Variants in CA5B observed in about 807,000 individuals in gnomAD.
CA5B encodes carbonic anhydrase 5B, mitochondrial.
Under a neutral mutation model 23.1 loss-of-function variants are expected in CA5B, and 15 were observed. The ratio of observed to expected loss-of-function variants is 0.65; its 90% CI spans 0.43 to 1.00. CA5B has a LOEUF of 1.00. Among genes scored for constraint, CA5B ranks in the 50% least tolerant of loss-of-function variants. The probability of loss-of-function intolerance (pLI) is 0.00; values close to 1 mark genes in which losing one functional copy is unlikely to be tolerated. For missense variants in CA5B, 236 were observed against 252.2 expected, an observed-to-expected ratio of 0.94 and a Z score of 0.43; for synonymous variants, 84 against 98.5, an observed-to-expected ratio of 0.85 and a Z score of 0.87.
intron 2 of CA5B, among the ~76,000 whole-genome samples, chrX:15,752,499 G>T (rs1441902977): frequency 1.8e-5 from 2 of 110,546 alleles, no homozygotes; most frequent in East Asian, 5.7e-4. Context: ...GCCGAGGCGG[G>T]CGGATCACAA....
In CA5B at chrX:15,784,896, A is replaced by G. The variant is rs1366365223; in HGVS notation, c.*2232A>G. The G allele has an allele frequency of 8.9e-6, 1 of 112,640 alleles. No individual in the cohort carries two copies. Among genetic ancestry groups the G allele is most frequent in the East Asian group, 2.8e-4 (1 of 3,635 alleles). The allele number at this position is 112,640 out of a possible 1,213,427, so 9.3% of individuals were successfully genotyped here. A position where few individuals can be genotyped will look rare whatever the true frequency, so the allele number is the denominator to read the frequency against. The stretch of plus-strand genomic sequence containing the variant: ...AAAAATGGGCAAAGGACTTGCACAG[A>G]CATTTCTCCAAAGAAGTTATACAAT... On this transcript the variant is annotated 3_prime_UTR_variant, in exon 8 of 8. Transcript: ENST00000318636.
intron 2 of CA5B, among the ~76,000 whole-genome samples, chrX:15,758,066 G>A (rs1035585846): frequency 9.0e-6 from 1 of 111,581 alleles, no homozygotes; most frequent in Non-Finnish European, 1.9e-5. Context: ...GAACTAGGCC[G>A]CTGTTCTGGG....
intron 1 of CA5B, among the ~76,000 whole-genome samples, chrX:15,741,099 G>A (rs1179973092): frequency 5.5e-5 from 6 of 108,216 alleles, no homozygotes; most frequent in East Asian, 3.0e-4. Flanking sequence ...ACGGAGTCTC[G>A]CCCTGTCACC....
At chrX:15,761,595 A>G (rs1931604282) in intron 2 of CA5B, among the ~76,000 whole-genome samples, 1 of 112,738 alleles carries the variant, frequency 8.9e-6, no homozygotes, top group Non-Finnish European at 1.9e-5. Flanking sequence ...AGATGACAGT[A>G]CTGCATTATA....
At chrX:15,775,885 C>T (rs142905978) in intron 6 of CA5B, 1 of 748,271 alleles carries the variant, frequency 1.3e-6, no homozygotes, top group East Asian at 1.5e-4. Context: ...ATATTATCTC[C>T]CCCCATCCCC....
Position 15,775,286 on chromosome X carries a change from C to T in CA5B, c.596C>T (p.Thr199Ile). Reference protein sequence around the residue: ...HHKELQKLVDTLPSIKHKDAL... With the variant: ...HHKELQKLVDILPSIKHKDAL... The stretch of plus-strand genomic sequence containing the variant: ...AAGGAGCTACAGAAATTAGTGGATA[C>T]TTTGCCGTCAATTAAGCATAAGGTA... Residue 199 changes from threonine (T) to isoleucine (I), a missense_variant, in exon 6 of 8, where the codon ACT becomes ATT. Thr to Ile is a moderately conservative substitution (Grantham distance 89). Coordinates refer to ENST00000318636, the MANE Select transcript of CA5B (RefSeq NM_007220.4). 8.3e-7 allele frequency: 1 copy of T among 1,200,453 alleles called. No homozygotes were observed. The highest frequency in any genetic ancestry group is 1.1e-6 in the Non-Finnish European group (1 of 888,117).
rs950226280 is a variant in CA5B at position 15,782,613 on chromosome X, G to C, written c.903G>C (p.Val301=). The C allele has an allele frequency of 4.1e-6, 5 of 1,206,666 alleles. No individual in the cohort carries two copies. The highest frequency in any genetic ancestry group is 5.6e-6 in the Non-Finnish European group (5 of 893,056). The change falls in exon 8 of 8, where the codon GTG becomes GTC. Residue 301 remains valine (V), a synonymous_variant. Transcript: ENST00000318636. The part of the protein sequence containing the change: ...TVRSSFRHDY[V]LNVQAKPKPA... ...GTTCATCCTTCCGGCATGATTATGT[G>C]CTGAATGTACAAGCGAAACCCAAGC... is the stretch of plus-strand genomic sequence containing the variant.
chrX:15,750,278 A>G, intron 2 of CA5B, 113 bp downstream of exon 2: 3 of 580,379 alleles, frequency 5.2e-6, no homozygotes, highest in Non-Finnish European at 8.2e-6. Flanking sequence ...AGTGTGCAAG[A>G]GCAAAAATAC....
intron 2 of CA5B, among the ~76,000 whole-genome samples, chrX:15,751,975 G>A (rs751645938): frequency 4.2e-4 from 47 of 111,341 alleles, no homozygotes; most frequent in Admixed American, 3.9e-3. Flanking sequence ...AAAAGATAAC[G>A]TGTTAATGAA....
intron 6 of CA5B, 133 bp from the exon 7 acceptor site, chrX:15,776,581 C>T: frequency 2.1e-6 from 1 of 472,148 alleles, no homozygotes; most frequent in Non-Finnish European, 3.7e-6. Flanking sequence ...CAGGTAGCTG[C>T]CCAGAAAGGC....
In CA5B at chrX:15,772,512, C is replaced by T. The variant is rs1601792143; in HGVS notation, c.357C>T (p.Pro119=). The stretch of plus-strand genomic sequence containing the variant: ...CCATTTTAGTGATCAAGGGAGGACC[C>T]CTGGAACACAACTACCGATTGAAGC... ...STDKSVIKGG[P]LEHNYRLKQF... Residue 119 remains proline, a synonymous_variant, in exon 4 of 8, where the codon CCC becomes CCT. Transcript: ENST00000318636. 1 of 1,200,326 alleles carries T rather than the reference C, an allele frequency of 8.3e-7. No individual in the cohort carries two copies. The highest frequency in any genetic ancestry group is 1.8e-5 in the South Asian group (1 of 56,375).
rs1931719522 is a variant in CA5B, at chrX:15,766,857, G to A, written c.340+2082G>A. On this transcript the variant is annotated intron_variant, in intron 3 of 7. Coordinates refer to ENST00000318636, the MANE Select transcript of CA5B (RefSeq NM_007220.4). ...GATATATTGTGTAGCGGTGAAGTCT[G>A]GGCTTTTATTATACCCCTCATCATG... The A allele has an allele frequency of 1.6e-5, 5 of 319,181 alleles. No individual in the cohort carries two copies. In the Admixed American group the frequency reaches 1.7e-4, roughly 11 times the overall value. 26.3% of individuals were successfully genotyped at this position (319,181 alleles called of 1,213,427 possible).
intron 3 of CA5B, chrX:15,767,159 A>C: frequency 1.4e-6 from 1 of 693,555 alleles, no homozygotes; most frequent in Non-Finnish European, 1.8e-6. Flanking sequence ...TTGAATTCTC[A>C]ACCCCATCTA....
chrX:15,749,994 C>T lies in CA5B; in HGVS notation c.-30C>T. The T allele has an allele frequency of 8.3e-7, 1 of 1,206,589 alleles. No individual in the cohort carries two copies. Among genetic ancestry groups the T allele is most frequent in the Non-Finnish European group, 1.1e-6 (1 of 892,356 alleles). On this transcript the variant is annotated 5_prime_UTR_variant, in exon 2 of 8. Coordinates refer to ENST00000318636, the MANE Select transcript of CA5B (RefSeq NM_007220.4). ...AGATTATTAAGTTCCTGCAACTTAA[C>T]TGGGAACTGATCAAGATTTCAAGCT...
intron 7 of CA5B, among the ~76,000 whole-genome samples, chrX:15,781,865 G>C (rs150999791): frequency 1.3e-3 from 138 of 107,860 alleles, no homozygotes; most frequent in African/African-American, 3.9e-3. Flanking sequence ...AGTGAATCAT[G>C]ATCACACCAC....
chrX:15,776,193 G>A (rs10126965), intron 6 of CA5B: 18 of 168,078 alleles, frequency 1.1e-4, no homozygotes, highest in African/African-American at 3.2e-4. Flanking sequence ...CAAAAAATTC[G>A]CCGGGCATGG....
rs1453866363 is a variant in CA5B, at chrX:15,787,982, T to TA, written c.*5321dup. ...ATTCAGAAGAAATGTTACAACAACT[T>TA]AAACACTGATGCTTTCAGAACGGGC... On this transcript the variant is annotated 3_prime_UTR_variant, in exon 8 of 8. Coordinates refer to ENST00000318636, the MANE Select transcript of CA5B (RefSeq NM_007220.4). The TA allele has an allele frequency of 1.8e-5, 2 of 112,392 alleles. No individual in the cohort carries two copies. The highest frequency in any genetic ancestry group is 6.5e-5 in the African/African-American group (2 of 30,922). 9.3% of individuals were successfully genotyped at this position (112,392 alleles called of 1,213,427 possible).
intron 3 of CA5B, among the ~76,000 whole-genome samples, chrX:15,769,229 A>G (rs5934277): frequency 0.33 from 36,263 of 110,189 alleles, 4,469 homozygotes; most frequent in East Asian, 0.42. Context: ...GACTCAAATT[A>G]CTAAACTCTG....
chrX:15,738,676 C>T (rs1030095834), intron 1 of CA5B, among the ~76,000 whole-genome samples: 4 of 111,394 alleles, frequency 3.6e-5, no homozygotes, highest in African/African-American at 1.3e-4. Flanking sequence ...GAGAGCAGTT[C>T]CTTGGTAGGT....
Sources: gnomAD v4.1 joint callset for allele counts (sites outside exome capture counted in the v4.1 genomes callset) on GRCh38, gnomAD v4.1.1 for gene constraint, MANE v1.5 for transcripts, NCBI Gene and HGNC (gene_info 2026-07-23, HGNC 2026-07-21) for gene names.